Variants in MLLT10 observed in about 807,000 individuals in gnomAD.
MLLT10 encodes protein AF-10.
MLLT10 carries 30 observed loss-of-function variants against 129.1 expected under a neutral mutation model. The ratio of observed to expected loss-of-function variants is 0.23; its 90% confidence interval spans 0.17 to 0.32. MLLT10 has a LOEUF of 0.32. Among genes scored for constraint, MLLT10 ranks in the 10% least tolerant of loss-of-function variants. The pLI is 1.00. For synonymous variants in MLLT10, 490 were observed against 446.4 expected (o/e 1.10, Z -1.23); for missense variants, 1,119 against 1,268.3 (o/e 0.88, Z 1.79).
intron 9 of MLLT10, 49 bp downstream of exon 9, chr10:21,651,817 G>T (rs975876256): frequency 7.6e-7 from 1 of 1,317,554 alleles, no homozygotes; most frequent in Non-Finnish European, 1.1e-6. Flanking sequence ...TAGTTATTGT[G>T]CTGATTTTCA....
chr10:21,688,391 C>T (rs2131424364), intron 13 of MLLT10: 1 of 952,500 alleles, frequency 1.0e-6, no homozygotes, highest in Non-Finnish European at 1.7e-6. Context: ...CCCCACACTG[C>T]ACCCCATCAT....
intron 3 of MLLT10, among the ~76,000 whole-genome samples, chr10:21,578,417 C>G (rs1341900503): frequency 6.6e-6 from 1 of 152,110 alleles, no homozygotes. Context: ...TTTCTTCCAT[C>G]CTTTTACTTT....
chr10:21,653,976 C>T (rs1422191477), intron 9 of MLLT10, among the ~76,000 whole-genome samples: 6 of 152,080 alleles, frequency 3.9e-5, no homozygotes, highest in African/African-American at 2.4e-5. Context: ...GAGGTACAAC[C>T]GACAAAGGAG....
intron 3 of MLLT10, among the ~76,000 whole-genome samples, chr10:21,563,177 TTTTGGTAA>T (rs1289912403): frequency 6.6e-6 from 1 of 152,168 alleles, no homozygotes; most frequent in African/African-American, 2.4e-5. Context: ...GTATTCTTCA[TTTTGGTAA>T]TTTTGTTACC....
chr10:21,579,783 G>A (rs1424608840), intron 3 of MLLT10, among the ~76,000 whole-genome samples: 1 of 151,334 alleles, frequency 6.6e-6, no homozygotes. Context: ...GGCTGGTCTC[G>A]AACTCCTGAG....
intron 3 of MLLT10, among the ~76,000 whole-genome samples, chr10:21,569,474 G>C (rs2131029215): frequency 6.6e-6 from 1 of 151,406 alleles, no homozygotes; most frequent in Middle Eastern, 3.4e-3. Flanking sequence ...AGGCTGGAGT[G>C]CAGTGGCGTG....
chr10:21,677,062 G>A (rs2052240705), intron 11 of MLLT10, among the ~76,000 whole-genome samples: 1 of 152,160 alleles, frequency 6.6e-6, no homozygotes, highest in Non-Finnish European at 1.5e-5. Context: ...ACAAGAAACT[G>A]AGACAGAATT....
chr10:21,684,506 A>G (rs755449282), intron 13 of MLLT10, among the ~76,000 whole-genome samples: 9 of 152,090 alleles, frequency 5.9e-5, no homozygotes, highest in Admixed American at 6.5e-5. Flanking sequence ...TCATTTTTTT[A>G]AAAAGCTTTT....
chr10:21,667,330 T>C (rs1472232243), intron 9 of MLLT10, among the ~76,000 whole-genome samples: 3 of 151,706 alleles, frequency 2.0e-5, no homozygotes, highest in Admixed American at 6.6e-5. Flanking sequence ...TCATATTTAT[T>C]TTTCTTGGGG....
At chr10:21,669,301 CACTT>C (rs1266159701) in intron 9 of MLLT10, among the ~76,000 whole-genome samples, 2 of 152,120 alleles carry the variant, frequency 1.3e-5, no homozygotes, top group Non-Finnish European at 1.5e-5. Context: ...GTTTTCCAAA[CACTT>C]AATTTCTTCT....
At chr10:21,615,482 A>T (rs1286272041) in intron 7 of MLLT10, among the ~76,000 whole-genome samples, 1 of 150,832 alleles carries the variant, frequency 6.6e-6, no homozygotes, top group East Asian at 1.9e-4. Flanking sequence ...AAAGAAAAAA[A>T]AAAAGAAAAT....
intron 13 of MLLT10, among the ~76,000 whole-genome samples, chr10:21,706,316 A>G (rs1427880385): frequency 2.0e-5 from 3 of 152,208 alleles, no homozygotes; most frequent in Non-Finnish European, 4.4e-5. Context: ...TGCACATACC[A>G]TTAGGGGTCC....
At chr10:21,655,472 A>G (rs567753682) in intron 9 of MLLT10, among the ~76,000 whole-genome samples, 13 of 152,340 alleles carry the variant, frequency 8.5e-5, no homozygotes, top group African/African-American at 3.1e-4. Context: ...GGACACTGGA[A>G]CTTAAATTTC....
At chr10:21,739,952 G>C in intron 21 of MLLT10, 78 bp from the exon 22 acceptor site, 4 of 1,149,280 alleles carry the variant, frequency 3.5e-6, no homozygotes, top group Non-Finnish European at 4.9e-6. Context: ...TTAAAGGAAA[G>C]AAAACATAAG....
At chr10:21,649,326 C>G (rs2048801511) in intron 8 of MLLT10, among the ~76,000 whole-genome samples, 1 of 152,202 alleles carries the variant, frequency 6.6e-6, no homozygotes, top group Admixed American at 6.5e-5. Flanking sequence ...ATCCTCCTGC[C>G]TTGGCTTCCC....
intron 3 of MLLT10, chr10:21,557,203 AT>A: frequency 8.0e-7 from 1 of 1,245,338 alleles, no homozygotes. Context: ...CTGTGTTGTT[AT>A]TTTTCCCCTT....
intron 3 of MLLT10, among the ~76,000 whole-genome samples, chr10:21,542,017 G>A (rs1017344363): frequency 6.6e-6 from 1 of 152,046 alleles, no homozygotes; most frequent in African/African-American, 2.4e-5. Context: ...TGGTGAATAG[G>A]TCACTACGCA....
At chr10:21,719,669 C>A (rs1247451664) in intron 14 of MLLT10, among the ~76,000 whole-genome samples, 1 of 152,154 alleles carries the variant, frequency 6.6e-6, no homozygotes, top group East Asian at 1.9e-4. Flanking sequence ...TAACCTTGGG[C>A]AGGTCTTTTA....
chr10:21,741,504 TTAA>T (rs1333608233), intron 22 of MLLT10, among the ~76,000 whole-genome samples: 1 of 152,212 alleles, frequency 6.6e-6, no homozygotes, highest in Non-Finnish European at 1.5e-5. Flanking sequence ...ATTTCAGTCT[TTAA>T]TAATAGGCTG....
Sources: gnomAD v4.1 joint callset for allele counts (sites outside exome capture counted in the v4.1 genomes callset) on GRCh38, gnomAD v4.1.1 for gene constraint, MANE v1.5 for transcripts, NCBI Gene and HGNC (gene_info 2026-07-23, HGNC 2026-07-21) for gene names.